The following FAT4 variants were observed in gnomAD, a reference collection of about 807,000 sequenced individuals.
The protein encoded by FAT4 is protocadherin Fat 4.
In FAT4, 84 loss-of-function variants were observed where a neutral mutation model predicts 303.9. The observed-to-expected ratio is 0.28, with a 90% CI of 0.23 to 0.33. The LOEUF (loss-of-function observed/expected upper bound fraction) is 0.33. FAT4 is among the 10% of genes least tolerant of loss of function. The pLI, the probability that FAT4 is intolerant of heterozygous loss-of-function variation, is 1.00. For missense variants in FAT4, 6,005 were observed against 6,146.8 expected (o/e 0.98, Z 0.77); for synonymous variants, 2,307 against 2,298.8 (o/e 1.00, Z -0.10).
chr4:125,351,807 T>G (rs533785681), intron 2 of FAT4, among the ~76,000 whole-genome samples: 14 of 151,714 alleles, frequency 9.2e-5, no homozygotes, highest in Non-Finnish European at 1.9e-4. Flanking sequence ...TATTAAGAAC[T>G]CTTCCTACCA....
At chr4:125,476,564 A>C (rs1727035209) in intron 13 of FAT4, among the ~76,000 whole-genome samples, 1 of 152,198 alleles carries the variant, frequency 6.6e-6, no homozygotes, top group East Asian at 1.9e-4. Flanking sequence ...TAGGATAAAG[A>C]CCTCAGTTCT....
intron 2 of FAT4, among the ~76,000 whole-genome samples, chr4:125,341,928 A>G (rs1731813837): frequency 6.6e-6 from 1 of 152,012 alleles, no homozygotes; most frequent in African/African-American, 2.4e-5. Context: ...AAGATTAATG[A>G]TTTCCTAAAA....
intron 7 of FAT4, among the ~76,000 whole-genome samples, chr4:125,431,045 C>CT (rs1171315936): frequency 9.1e-6 from 1 of 109,476 alleles, no homozygotes. Context: ...AGTAATGTAT[C>CT]AACAGTAGTA....
At chr4:125,469,814 C>T (rs1726796841) in intron 12 of FAT4, among the ~76,000 whole-genome samples, 1 of 152,146 alleles carries the variant, frequency 6.6e-6, no homozygotes, top group African/African-American at 2.4e-5. Context: ...TTCCTCCGAA[C>T]TCCTTTTAAT....
chr4:125,398,941 G>A, intron 3 of FAT4, 26 bp downstream of exon 3: 1 of 1,610,688 alleles, frequency 6.2e-7, no homozygotes, highest in African/African-American at 1.3e-5. Context: ...CTCTGAATTT[G>A]TGAAACTTCG....
At chr4:125,478,761 C>T (rs1469092739) in intron 14 of FAT4, among the ~76,000 whole-genome samples, 9 of 152,092 alleles carry the variant, frequency 5.9e-5, no homozygotes, top group Non-Finnish European at 1.0e-4. Flanking sequence ...GAACTCCTGA[C>T]CTCATGATCC....
In FAT4 at chr4:125,449,930, A is replaced by C. The variant is rs1205109272; in HGVS notation, c.8920A>C (p.Asn2974His). ...SLISETTVTI[N>H]IVDSNDNAPQ... ...AATTAGTGAGACAACAGTTACCATC[A>C]ATATAGTGGACAGTAATGACAATGC... The change falls in exon 10 of 18, where the codon AAT becomes CAT. Residue 2974 changes from asparagine (N) to histidine (H), a missense_variant. Coordinates refer to ENST00000394329, the MANE Select transcript of FAT4 (RefSeq NM_001291303.3). 11 of 1,613,762 alleles carry C rather than the reference A, an allele frequency of 6.8e-6. No individual in the cohort carries two copies. Among genetic ancestry groups the C allele is most frequent in the Middle Eastern group, 1.6e-4 (1 of 6,082 alleles).
At chr4:125,475,348 T>A (rs1018138454) in intron 12 of FAT4, among the ~76,000 whole-genome samples, 1 of 152,112 alleles carries the variant, frequency 6.6e-6, no homozygotes, top group African/African-American at 2.4e-5. Context: ...TATACAGGAC[T>A]CTGACTTGTA....
At position 125,316,466 on chromosome 4, in the gene FAT4, C is replaced by T. The variant is rs1447675960; in HGVS notation, c.55C>T (p.Leu19=). The T allele has an allele frequency of 2.5e-6, 4 of 1,613,916 alleles. No individual in the cohort carries two copies. Among genetic ancestry groups the T allele is most frequent in the Non-Finnish European group, 3.4e-6 (4 of 1,180,016 alleles). The change falls in exon 2 of 18, where the codon CTA becomes TTA. Residue 19 remains leucine (L), a synonymous_variant. Coordinates refer to ENST00000394329, the MANE Select transcript of FAT4 (RefSeq NM_001291303.3). The surrounding 1 kb of genome is among the most constrained non-coding windows in gnomAD (Gnocchi z 5.7). ...TGRPWLPLHT[L]SVSQLLRVFW... is the part of the protein sequence containing the mutation. Reference sequence around the variant, plus strand: ...CCGCCCGTGGCTCCCGTTGCACACTCTATCAGTATCTCAGCTCCTTCGAGT... The same window carrying T: ...CCGCCCGTGGCTCCCGTTGCACACTTTATCAGTATCTCAGCTCCTTCGAGT...
intron 2 of FAT4, among the ~76,000 whole-genome samples, chr4:125,341,700 T>C (rs1232415130): frequency 6.6e-6 from 1 of 152,034 alleles, no homozygotes; most frequent in Admixed American, 6.5e-5. Context: ...TTAGTAGCTA[T>C]AAATGTAACA....
chr4:125,482,500 TAA>T (rs1236569974), intron 16 of FAT4, among the ~76,000 whole-genome samples: 16 of 152,160 alleles, frequency 1.1e-4, no homozygotes, highest in African/African-American at 3.6e-4. Context: ...TTCCCACAAA[TAA>T]GTCATCTCCT....
At chr4:125,397,334 A>T (rs556750827) in intron 2 of FAT4, among the ~76,000 whole-genome samples, 1 of 152,262 alleles carries the variant, frequency 6.6e-6, no homozygotes, top group South Asian at 2.1e-4. Context: ...AATAAGTGTC[A>T]GACAGGAATT....
In FAT4 at chr4:125,450,333, C is replaced by T. The variant is rs1161211356; in HGVS notation, c.9323C>T (p.Ser3108Phe). The change falls in exon 10 of 18, where the codon TCC becomes TTC. Residue 3108 changes from serine (S) to phenylalanine (F), a missense_variant. Ser to Phe is a radical substitution (Grantham distance 155). Transcript: ENST00000394329. The part of the protein sequence containing the change: ...ATIPESHSIG[S>F]IVRTVSARDR... ...ATCCCTGAGAGCCATAGCATTGGGT[C>T]CATTGTCAGAACTGTTTCTGCAAGA... The T allele has an allele frequency of 6.2e-7, 1 of 1,614,040 alleles. No individual in the cohort carries two copies. The highest frequency in any genetic ancestry group is 8.5e-7 in the Non-Finnish European group (1 of 1,179,986).
At chr4:125,349,310 A>C (rs1012376142) in intron 2 of FAT4, among the ~76,000 whole-genome samples, 42 of 151,944 alleles carry the variant, frequency 2.8e-4, no homozygotes, top group African/African-American at 9.9e-4. Context: ...TACTATATTA[A>C]CACATGTGTT....
At chr4:125,369,728 T>C (rs764591489) in intron 2 of FAT4, among the ~76,000 whole-genome samples, 17 of 152,214 alleles carry the variant, frequency 1.1e-4, no homozygotes, top group Admixed American at 2.0e-4. Context: ...CAGAATGTTT[T>C]TGTTTCCCAA....
In FAT4 at chr4:125,468,472, A is replaced by G. The variant is rs6814158; in HGVS notation, c.11906-40A>G. The G allele has an allele frequency of 1, 1,348,146 of 1,350,294 alleles. 673,017 individuals are homozygous for G. Among genetic ancestry groups the G allele is most frequent in the South Asian group, 1 (44,364 of 44,364 alleles). 83.6% of individuals were successfully genotyped at this position (1,350,294 alleles called of 1,614,324 possible). On this transcript the variant is annotated intron_variant, in intron 11 of 17. Transcript: ENST00000394329. ...AATCAAAATATATAATAAAATTTTC[A>G]TGAAATTTTATGCCAGTTTGTCAAT...
chr4:125,361,194 G>C (rs1732651784), intron 2 of FAT4, among the ~76,000 whole-genome samples: 1 of 151,986 alleles, frequency 6.6e-6, no homozygotes, highest in Non-Finnish European at 1.5e-5. Context: ...ATAAGTGTTG[G>C]AGGGAATTCA....
intron 13 of FAT4, among the ~76,000 whole-genome samples, chr4:125,476,730 A>G (rs1327602471): frequency 2.0e-5 from 3 of 152,214 alleles, no homozygotes; most frequent in Non-Finnish European, 2.9e-5. Context: ...ATCATGATGC[A>G]TCATTCATTG....
At chr4:125,488,914 T>A (rs1370566153) in intron 17 of FAT4, among the ~76,000 whole-genome samples, 2 of 151,912 alleles carry the variant, frequency 1.3e-5, no homozygotes, top group African/African-American at 4.8e-5. Context: ...TAGAGGAGAA[T>A]AAGTCGGAAA....
Sources: allele counts gnomAD v4.1 joint callset (sites outside exome capture counted in the v4.1 genomes callset), GRCh38; gene constraint gnomAD v4.1.1; non-coding constraint Gnocchi (gnomAD v3.1); transcripts MANE v1.5; gene names NCBI Gene and HGNC (gene_info 2026-07-23, HGNC 2026-07-21).